Variants in PIPOX observed in about 807,000 individuals in gnomAD.
PIPOX encodes the protein peroxisomal sarcosine oxidase.
A neutral mutation model predicts 47.9 loss-of-function variants in PIPOX; 45 were observed. That is an observed-to-expected ratio of 0.94 (90% confidence interval 0.74 to 1.20). The LOEUF (loss-of-function observed/expected upper bound fraction) is 1.20. Among genes scored for constraint, PIPOX ranks in the 50% most tolerant of loss-of-function variants. The probability of loss-of-function intolerance (pLI) is 0.00; values close to 1 mark genes in which losing one functional copy is unlikely to be tolerated. For synonymous variants in PIPOX, 165 were observed against 191.3 expected, an observed-to-expected ratio of 0.86 and a Z score of 1.13; for missense variants, 458 against 498.4, an observed-to-expected ratio of 0.92 and a Z score of 0.77.
intron 3 of PIPOX, 94 bp downstream of exon 3, chr17:29,053,227 G>C: frequency 7.5e-7 from 1 of 1,325,002 alleles, no homozygotes; most frequent in African/African-American, 1.5e-5. Flanking sequence ...TCTGGATGAG[G>C]CCTTTGCCCT....
At position 29,055,996 on chromosome 17, in the gene PIPOX, G is replaced by A. The variant is rs568980060; in HGVS notation, c.1042+108G>A. ...GCTGCCCAGATAGGTGTGAAGCCTGGACATTGTAGGTATAAGGAGGCTGGG... is the reference window on the plus strand; with the variant it reads ...GCTGCCCAGATAGGTGTGAAGCCTGAACATTGTAGGTATAAGGAGGCTGGG... On this transcript the variant is annotated intron_variant, in intron 7 of 7. Transcript: ENST00000323372. 41 of 1,285,928 alleles carry A rather than the reference G, an allele frequency of 3.2e-5. No individual in the cohort carries two copies. In the South Asian group the frequency reaches 4.4e-4, roughly 14 times the overall value. The allele number at this position is 1,285,928 out of a possible 1,614,324, so 79.7% of individuals were successfully genotyped here. A position where few individuals can be genotyped will look rare whatever the true frequency, so the allele number is the denominator to read the frequency against.
Position 29,054,629 on chromosome 17 carries a change from C to A in PIPOX, c.745C>A (p.Leu249Met), listed in dbSNP as rs750273271. The change falls in exon 5 of 8, where the codon CTG (leucine) becomes ATG (methionine). Residue 249 changes from leucine (L) to methionine (M), a missense_variant. By Grantham distance (15) the Leu-to-Met change is conservative. Coordinates refer to ENST00000323372, the MANE Select transcript of PIPOX (RefSeq NM_016518.3). ...VSQAFPCFLW[L>M]GLCPHHIYGL... is the part of the protein sequence containing the mutation. The stretch of plus-strand genomic sequence containing the variant: ...CCAGGCCTTTCCGTGCTTCCTGTGG[C>A]TGGGCTTGTGTCCCCACCACATCTA... 6.2e-7 allele frequency: 1 copy of A among 1,614,052 alleles called. No homozygotes were observed. Among genetic ancestry groups the A allele is most frequent in the African/African-American group, 1.3e-5 (1 of 74,916 alleles).
chr17:29,049,762 A>G (rs1362749948), intron 2 of PIPOX, among the ~76,000 whole-genome samples: 1 of 152,206 alleles, frequency 6.6e-6, no homozygotes, highest in Non-Finnish European at 1.5e-5. Context: ...CTCAGGCCAA[A>G]TAGCTCAGCT....
At chr17:29,052,852 C>A (rs1334177749) in intron 2 of PIPOX, 68 bp from the exon 3 acceptor site, 1 of 1,348,342 alleles carries the variant, frequency 7.4e-7, no homozygotes. Context: ...GGATTACAGG[C>A]GTGAGTCGTC....
At chr17:29,050,875 C>T (rs1229921741) in intron 2 of PIPOX, among the ~76,000 whole-genome samples, 1 of 151,722 alleles carries the variant, frequency 6.6e-6, no homozygotes, top group Non-Finnish European at 1.5e-5. Flanking sequence ...GGTGCAGTGG[C>T]CCCTGCCTGT....
chr17:29,054,784 C>A, intron 5 of PIPOX, 93 bp downstream of exon 5: 1 of 1,418,472 alleles, frequency 7.0e-7, no homozygotes, highest in Non-Finnish European at 9.7e-7. Context: ...CCTTGGGTCT[C>A]GGGGCCAGCA....
rs2065813748 is a variant in PIPOX at position 29,053,210 on chromosome 17, A to T, written c.477+77A>T. 5.6e-6 allele frequency: 8 copies of T among 1,426,718 alleles called. No homozygotes were observed. The South Asian group carries it at 5.8e-5, about 10-fold the overall frequency. 88.4% of individuals were successfully genotyped at this position (1,426,718 alleles called of 1,614,324 possible). On this transcript the variant is annotated intron_variant, in intron 3 of 7. Transcript: ENST00000323372. ...CTGGGTCCCAAGCAGCCAGCCCAAGACCCCCCTCTGGATGAGGCCTTTGCC... is the reference window on the plus strand; with the variant it reads ...CTGGGTCCCAAGCAGCCAGCCCAAGTCCCCCCTCTGGATGAGGCCTTTGCC...
At chr17:29,056,071 T>C in intron 7 of PIPOX, 104 bp from the exon 8 acceptor site, 2 of 1,474,784 alleles carry the variant, frequency 1.4e-6, no homozygotes, top group Non-Finnish European at 1.9e-6. Context: ...GGCTTTGGGA[T>C]GTGACCAGGA....
intron 2 of PIPOX, among the ~76,000 whole-genome samples, chr17:29,052,240 G>T (rs1200515684): frequency 7.2e-5 from 11 of 152,196 alleles, no homozygotes; most frequent in African/African-American, 2.7e-4. Flanking sequence ...TGGGATCAGG[G>T]GACAGGAGGA....
rs2065815194 is a variant in PIPOX, at chr17:29,053,499, C to T, written c.564C>T (p.Thr188=). 2 of 1,614,012 alleles carry T rather than the reference C, an allele frequency of 1.2e-6. No individual in the cohort carries two copies. The highest frequency in any genetic ancestry group is 1.7e-6 in the Non-Finnish European group (2 of 1,179,982). Residue 188 remains threonine (T), a synonymous_variant, in exon 4 of 8, where the codon ACC becomes ACT. Coordinates refer to ENST00000323372, the MANE Select transcript of PIPOX (RefSeq NM_016518.3). ...CAGGGCTACTGGTCACGGTGAAAACCACCTCCAGGAGCTACCAAGCTAAGA... is the reference window on the plus strand; with the variant it reads ...CAGGGCTACTGGTCACGGTGAAAACTACCTCCAGGAGCTACCAAGCTAAGA... ...INPGLLVTVK[T]TSRSYQAKSL...
intron 2 of PIPOX, 29 bp from the exon 3 acceptor site, chr17:29,052,891 C>CTTCACCTAGGTGACTTAT: frequency 6.3e-7 from 1 of 1,599,562 alleles, no homozygotes; most frequent in African/African-American, 1.3e-5. Flanking sequence ...TGAAACACAC[C>CTTCACCTAGGTGACTTAT]TTCACCTAGG....
rs1411324290 is a variant in PIPOX, at chr17:29,043,219, T to C, written c.-7T>C. 1.0e-5 allele frequency: 16 copies of C among 1,605,882 alleles called. No homozygotes were observed. Among genetic ancestry groups the C allele is most frequent in the African/African-American group, 2.7e-5 (2 of 74,688 alleles). ...GAGGCTCTGTGGCTGTGGGGCTGAG[T>C]GGCATCATGGCGGCTCAGAAAGATC... On this transcript the variant is annotated 5_prime_UTR_variant, in exon 1 of 8. Coordinates refer to ENST00000323372, the MANE Select transcript of PIPOX (RefSeq NM_016518.3).
intron 2 of PIPOX, 76 bp downstream of exon 2, chr17:29,045,083 C>T: frequency 6.9e-7 from 1 of 1,458,252 alleles, no homozygotes; most frequent in South Asian, 1.4e-5. Context: ...AGTGGCAGCG[C>T]CATGGAACAT....
In PIPOX at chr17:29,043,937, T is replaced by G. The variant is rs116164027; in HGVS notation, c.114+598T>G. On this transcript the variant is annotated intron_variant, in intron 1 of 7. Coordinates refer to ENST00000323372, the MANE Select transcript of PIPOX (RefSeq NM_016518.3). ...TGCAGTCTGCAGTGACCACTGCATA[T>G]GTGGGTGGGCCCTGTGTGTCTGCAG... 1.8e-3 allele frequency among the ~76,000 whole-genome samples: 279 copies of G among 152,312 alleles called. 1 individual carries two copies. The highest frequency in any genetic ancestry group is 6.4e-3 in the African/African-American group (266 of 41,572).
rs1276244932 is a variant in PIPOX at position 29,043,323 on chromosome 17, T to C, written c.98T>C (p.Ile33Thr). Residue 33 changes from isoleucine to threonine, a missense_variant, in exon 1 of 8, where the codon ATC becomes ACC. Transcript: ENST00000323372. Reference protein sequence around the residue: ...AYHLAKHRKRILLLEQFFLPH... With the variant: ...AYHLAKHRKRTLLLEQFFLPH... Reference sequence around the variant, plus strand: ...CACCTGGCCAAACACAGGAAGAGGATCCTCCTGCTGGAGCAGGTACTGTGT... The same window carrying C: ...CACCTGGCCAAACACAGGAAGAGGACCCTCCTGCTGGAGCAGGTACTGTGT... 1.2e-6 allele frequency: 2 copies of C among 1,612,510 alleles called. No individual in the cohort carries two copies. Among genetic ancestry groups the C allele is most frequent in the Non-Finnish European group, 1.7e-6 (2 of 1,178,832 alleles).
chr17:29,055,889 G>GC lies in PIPOX; in HGVS notation c.1042+1_1042+2insC. On this transcript the variant is annotated splice_donor_variant, in intron 7 of 7. Transcript: ENST00000323372. LOFTEE classifies it high-confidence loss of function. ...ATTGTCATTGGTGCTGGATTCTCTGGTGAGTCTGAGCTGGGGGGAATGGGG... is the reference window on the plus strand; with the variant it reads ...ATTGTCATTGGTGCTGGATTCTCTGGCTGAGTCTGAGCTGGGGGGAATGGGG... 1 of 1,613,786 alleles carries GC rather than the reference G, an allele frequency of 6.2e-7. No homozygotes were observed. Among genetic ancestry groups the GC allele is most frequent in the Non-Finnish European group, 8.5e-7 (1 of 1,179,680 alleles).
intron 4 of PIPOX, 21 bp from the exon 5 acceptor site, chr17:29,054,524 A>C (rs777752453): frequency 1.6e-5 from 25 of 1,611,786 alleles, no homozygotes; most frequent in Non-Finnish European, 2.1e-5. Flanking sequence ...TTCATTTCCC[A>C]CTTCCTCTCC....
chr17:29,054,744 A>G, intron 5 of PIPOX, 53 bp downstream of exon 5: 5 of 1,588,520 alleles, frequency 3.1e-6, no homozygotes, highest in Non-Finnish European at 4.3e-6. Flanking sequence ...GATTAGGGGA[A>G]GCTGCTCTAA....
intron 5 of PIPOX, 81 bp from the exon 6 acceptor site, chr17:29,054,982 T>A: frequency 6.4e-7 from 1 of 1,557,512 alleles, no homozygotes. Context: ...GGGGCTGTCC[T>A]GTGTACACGC....
Sources: allele counts gnomAD v4.1 joint callset (sites outside exome capture counted in the v4.1 genomes callset), GRCh38; gene constraint gnomAD v4.1.1; transcripts MANE v1.5; gene names NCBI Gene and HGNC (gene_info 2026-07-23, HGNC 2026-07-21).